Variants in ANXA4 observed in about 807,000 individuals in gnomAD.
ANXA4 encodes annexin A4.
Under a neutral mutation model 49.8 loss-of-function variants are expected in ANXA4, and 39 were observed. That is an observed-to-expected ratio of 0.78 (90% CI 0.61 to 1.02). The LOEUF (loss-of-function observed/expected upper bound fraction) is 1.02. ANXA4 is among the 50% of genes least tolerant of loss of function. ANXA4 has a pLI of 0.00. For missense variants in ANXA4, 360 were observed against 410.1 expected, an observed-to-expected ratio of 0.88 and a Z score of 1.05; for synonymous variants, 134 against 152.5, an observed-to-expected ratio of 0.88 and a Z score of 0.89.
At chr2:69,698,079 C>G (rs1001778702) in intron 2 of ANXA4, among the ~76,000 whole-genome samples, 1 of 152,014 alleles carries the variant, frequency 6.6e-6, no homozygotes, top group African/African-American at 2.4e-5. Context: ...AGGATCAAGG[C>G]ACTGGCAGAT....
intron 2 of ANXA4, among the ~76,000 whole-genome samples, chr2:69,704,605 G>A (rs73935629): frequency 0.021 from 3,265 of 152,212 alleles, 110 homozygotes; most frequent in African/African-American, 0.075. Context: ...ATCATGCCGC[G>A]GGCTAACCTA....
chr2:69,701,690 A>C (rs537293566), intron 2 of ANXA4, among the ~76,000 whole-genome samples: 3 of 152,110 alleles, frequency 2.0e-5, no homozygotes, highest in African/African-American at 7.2e-5. Context: ...CCCCACCCTC[A>C]CCAATCCTGC....
At chr2:69,776,126 C>A (rs1671955288) in intron 1 of ANXA4, among the ~76,000 whole-genome samples, 1 of 151,976 alleles carries the variant, frequency 6.6e-6, no homozygotes, top group African/African-American at 2.4e-5. Flanking sequence ...AGGCACTCAC[C>A]ACCATGCCCA....
chr2:69,672,001 G>A (rs752682616), intron 2 of ANXA4, among the ~76,000 whole-genome samples: 2 of 152,196 alleles, frequency 1.3e-5, no homozygotes, highest in African/African-American at 2.4e-5. Flanking sequence ...ATTCTCACAT[G>A]TTTACATCCT....
At chr2:69,646,738 TTC>T (rs1676021491) in intron 1 of ANXA4, among the ~76,000 whole-genome samples, 1 of 152,210 alleles carries the variant, frequency 6.6e-6, no homozygotes, top group Non-Finnish European at 1.5e-5. Flanking sequence ...CACAAGGTTT[TTC>T]TTTTTCTCTG....
intron 2 of ANXA4, among the ~76,000 whole-genome samples, chr2:69,682,866 A>G (rs559535903): frequency 5.3e-5 from 8 of 152,220 alleles, no homozygotes; most frequent in Non-Finnish European, 1.0e-4. Context: ...AAATGCTGTC[A>G]GTGTTTATTT....
intron 3 of ANXA4, among the ~76,000 whole-genome samples, chr2:69,723,035 A>G (rs772534326): frequency 6.7e-5 from 10 of 149,352 alleles, no homozygotes; most frequent in South Asian, 2.1e-4. Flanking sequence ...ATATATATAT[A>G]TATATATTAG....
intron 7 of ANXA4, chr2:69,811,451 G>A (rs959329224): frequency 2.0e-5 from 3 of 152,212 alleles, no homozygotes; most frequent in Admixed American, 1.3e-4. Context: ...GAGGCTGGAC[G>A]ACCAGGTAGG....
intron 1 of ANXA4, among the ~76,000 whole-genome samples, chr2:69,771,109 G>GAAAAAAAAAAAAAAA (rs70954358): frequency 9.5e-6 from 1 of 104,752 alleles, no homozygotes. Context: ...AAAAAAAAAA[G>GAAAAAAAAAAAAAAA]AAAAAAAAAA....
intron 2 of ANXA4, among the ~76,000 whole-genome samples, chr2:69,695,027 A>C (rs1678115030): frequency 6.6e-6 from 1 of 152,144 alleles, no homozygotes; most frequent in South Asian, 2.1e-4. Context: ...CTGCAGCCCC[A>C]GCTACTCAGG....
At chr2:69,652,300 C>T (rs1487276992) in intron 1 of ANXA4, among the ~76,000 whole-genome samples, 1 of 152,198 alleles carries the variant, frequency 6.6e-6, no homozygotes, top group African/African-American at 2.4e-5. Context: ...GCTACCACGC[C>T]CAGCCTCTTC....
At chr2:69,772,879 T>C (rs1050612910) in intron 1 of ANXA4, among the ~76,000 whole-genome samples, 1 of 151,942 alleles carries the variant, frequency 6.6e-6, no homozygotes, top group Non-Finnish European at 1.5e-5. Flanking sequence ...TAGCTGGGCA[T>C]GGTGGCAGGC....
At chr2:69,724,430 G>T (rs1290523944) in intron 3 of ANXA4, among the ~76,000 whole-genome samples, 1 of 152,186 alleles carries the variant, frequency 6.6e-6, no homozygotes, top group African/African-American at 2.4e-5. Flanking sequence ...CCATATAAAA[G>T]AAGACTTTTT....
In ANXA4 at chr2:69,804,137, C is replaced by CAA. The variant is rs377321563; in HGVS notation, c.98-375_98-374dup. ...TGGGTGACAGAGTGAGACTTTCTCT[C>CAA]AAAAAAAAAAAAAAAAAAAAAATAT... On this transcript the variant is annotated intron_variant, in intron 3 of 12. Coordinates refer to ENST00000394295, the MANE Select transcript of ANXA4 (RefSeq NM_001153.5). 1.5e-3 allele frequency among the ~76,000 whole-genome samples: 135 copies of CAA among 88,126 alleles called. 1 individual carries two copies. Among genetic ancestry groups the CAA allele is most frequent in the East Asian group, 3.3e-3 (12 of 3,640 alleles). The allele number at this position is 88,126 out of a possible 152,430, so 57.8% of individuals were successfully genotyped here.
At chr2:69,781,922 A>G (rs1218193819) in intron 2 of ANXA4, among the ~76,000 whole-genome samples, 1 of 152,202 alleles carries the variant, frequency 6.6e-6, no homozygotes, top group Non-Finnish European at 1.5e-5. Context: ...CCTGAAGAGG[A>G]CTGCTATCGA....
chr2:69,767,036 A>G (rs772736796), intron 1 of ANXA4, among the ~76,000 whole-genome samples: 11 of 152,194 alleles, frequency 7.2e-5, no homozygotes, highest in Admixed American at 2.0e-4. Context: ...GATCTGAAAC[A>G]GGGAAAATCA....
intron 1 of ANXA4, among the ~76,000 whole-genome samples, chr2:69,646,244 CT>C (rs1423966410): frequency 6.6e-6 from 1 of 152,200 alleles, no homozygotes; most frequent in African/African-American, 2.4e-5. Flanking sequence ...AGATCAGCCA[CT>C]ATAATCTCAA....
upstream of ANXA4, among the ~76,000 whole-genome samples, chr2:69,740,444 GTTTTGTTTTTGT>G (rs538553116): frequency 2.0e-5 from 3 of 151,304 alleles, no homozygotes; most frequent in African/African-American, 4.9e-5. Context: ...TTTTTGTTTT[GTTTTGTTTTTGT>G]TTTTGTTTTT....
At chr2:69,797,459 A>T (rs1264948695) in intron 3 of ANXA4, among the ~76,000 whole-genome samples, 1 of 152,144 alleles carries the variant, frequency 6.6e-6, no homozygotes, top group South Asian at 2.1e-4. Flanking sequence ...GACCTGTGTG[A>T]CCTGTGTGGC....
Sources: gnomAD v4.1 joint callset for allele counts (sites outside exome capture counted in the v4.1 genomes callset) on GRCh38, gnomAD v4.1.1 for gene constraint, MANE v1.5 for transcripts, NCBI Gene and HGNC (gene_info 2026-07-23, HGNC 2026-07-21) for gene names.